NDRG3: variants seen among roughly 807,000 people sequenced by gnomAD.
The protein encoded by NDRG3 is protein NDRG3.
NDRG3 carries 23 observed loss-of-function variants against 57.2 expected under a neutral mutation model. That is an observed-to-expected ratio of 0.40 (90% confidence interval 0.29 to 0.57). The LOEUF (loss-of-function observed/expected upper bound fraction) is 0.57. Ranked by LOEUF, NDRG3 falls within the 20% of genes least tolerant of loss-of-function variation. NDRG3 has a pLI of 0.42. For synonymous variants in NDRG3, 132 were observed against 162.6 expected, an observed-to-expected ratio of 0.81 and a Z score of 1.43; for missense variants, 384 against 457.3, an observed-to-expected ratio of 0.84 and a Z score of 1.46.
At chr20:36,666,944 C>T (rs1026739868) in intron 9 of NDRG3, among the ~76,000 whole-genome samples, 2 of 152,154 alleles carry the variant, frequency 1.3e-5, no homozygotes, top group Non-Finnish European at 2.9e-5. Context: ...AGCAATTCTC[C>T]TGCCTCAGCC....
At chr20:36,674,939 G>A (rs1368010792) in intron 8 of NDRG3, among the ~76,000 whole-genome samples, 1 of 118,474 alleles carries the variant, frequency 8.4e-6, no homozygotes, top group Non-Finnish European at 1.6e-5. Flanking sequence ...CTGTCACCTA[G>A]TCTGGAGTCC....
At chr20:36,713,012 AGTTT>A (rs1464160527) in intron 2 of NDRG3, among the ~76,000 whole-genome samples, 2 of 152,096 alleles carry the variant, frequency 1.3e-5, no homozygotes, top group African/African-American at 4.8e-5. Context: ...CTCCTGCCTC[AGTTT>A]GTTTGTCTCT....
chr20:36,741,233 A>T (rs1458368184), intron 1 of NDRG3, among the ~76,000 whole-genome samples: 6 of 152,084 alleles, frequency 3.9e-5, no homozygotes, highest in African/African-American at 1.4e-4. Flanking sequence ...ATTATCAGCC[A>T]AGCACAGAGC....
At chr20:36,671,468 T>C (rs559999858) in intron 8 of NDRG3, 71 bp from the exon 9 acceptor site, 33 of 1,137,840 alleles carry the variant, frequency 2.9e-5, no homozygotes, top group Non-Finnish European at 4.1e-5. Flanking sequence ...CCAATTAAAA[T>C]GAGTGCACTT....
rs117328993 is a variant in NDRG3 at position 36,693,266 on chromosome 20, C to T, written c.94-4482G>A. On this transcript the variant is annotated intron_variant, in intron 3 of 15. Transcript: ENST00000349004. ...TATATATATATTCTAAATAAACTAT[C>T]AAACATGGTCATATACACAAAAGGA... 5.5e-3 allele frequency among the ~76,000 whole-genome samples: 807 copies of T among 146,304 alleles called. 5 individuals are homozygous for T. Among genetic ancestry groups the T allele is most frequent in the Non-Finnish European group, 1.0e-2 (667 of 66,824 alleles).
intron 1 of NDRG3, among the ~76,000 whole-genome samples, chr20:36,730,447 T>C (rs1471488956): frequency 6.6e-6 from 1 of 151,594 alleles, no homozygotes; most frequent in African/African-American, 2.4e-5. Context: ...TAGAAACAGG[T>C]CTTACTATGT....
At position 36,689,279 on chromosome 20, in the gene NDRG3, A is replaced by T. The variant is rs542141315; in HGVS notation, c.94-495T>A. Among the ~76,000 whole-genome samples, 3 of 152,318 alleles carry T rather than the reference A, an allele frequency of 2.0e-5. No individual in the cohort carries two copies. The East Asian group carries it at 5.8e-4, about 29-fold the overall frequency. On this transcript the variant is annotated intron_variant, in intron 3 of 15. Coordinates refer to ENST00000349004, the MANE Select transcript of NDRG3 (RefSeq NM_032013.4). ...CCTACTTTCCAATTCTTCCAGAAAA[A>T]TAAATAGGGAGCAAAACACACCTTG...
intron 12 of NDRG3, among the ~76,000 whole-genome samples, chr20:36,661,991 A>T (rs896714473): frequency 4.6e-5 from 7 of 152,204 alleles, no homozygotes; most frequent in Non-Finnish European, 1.5e-5. Flanking sequence ...GTACCCGTTC[A>T]CTACAGAATG....
rs1270032473 is a variant in NDRG3 at position 36,669,232 on chromosome 20, T to A, written c.588+2109A>T. On this transcript the variant is annotated intron_variant, in intron 9 of 15. Transcript: ENST00000349004. ...CCACCACACCCGGCTAATTTTGTAT[T>A]TTTTTTTTTTTTCTGGGATGGAGTC... Among the ~76,000 whole-genome samples, 8 of 144,020 alleles carry A rather than the reference T, an allele frequency of 5.6e-5. No individual in the cohort carries two copies. In the East Asian group the frequency reaches 1.6e-3, roughly 29 times the overall value. The allele number at this position is 144,020 out of a possible 152,430, so 94.5% of individuals were successfully genotyped here. A position where few individuals can be genotyped will look rare whatever the true frequency, so the allele number is the denominator to read the frequency against.
chr20:36,660,285 A>T, intron 13 of NDRG3, 52 bp downstream of exon 13: 1 of 1,339,850 alleles, frequency 7.5e-7, no homozygotes, highest in Non-Finnish European at 1.0e-6. Flanking sequence ...AGAAAATATG[A>T]TTAATCTGAA....
At chr20:36,714,892 C>G (rs998720132) in intron 2 of NDRG3, among the ~76,000 whole-genome samples, 10 of 150,824 alleles carry the variant, frequency 6.6e-5, no homozygotes, top group African/African-American at 2.4e-4. Context: ...GGATTACAGG[C>G]ATGAGCCACC....
intron 15 of NDRG3, 63 bp downstream of exon 15, chr20:36,656,297 G>T: frequency 6.6e-7 from 1 of 1,525,622 alleles, no homozygotes; most frequent in Non-Finnish European, 9.0e-7. Context: ...TGGGCTCCCA[G>T]ATGTGAAACT....
At chr20:36,697,069 C>G (rs141028448) in intron 3 of NDRG3, among the ~76,000 whole-genome samples, 4 of 152,186 alleles carry the variant, frequency 2.6e-5, no homozygotes, top group African/African-American at 9.6e-5. Flanking sequence ...TTGTCCATAT[C>G]AAAAGAACTT....
rs181835132 is a variant in NDRG3 at position 36,674,028 on chromosome 20, T to C, written c.532-2631A>G. ...CTGAGGCAGGAGAATCACTTGAACC[T>C]GGGAGATAGAGGTTGCAGTGAGCCG... is the stretch of plus-strand genomic sequence containing the variant. On this transcript the variant is annotated intron_variant, in intron 8 of 15. Coordinates refer to ENST00000349004, the MANE Select transcript of NDRG3 (RefSeq NM_032013.4). 2.1e-3 allele frequency among the ~76,000 whole-genome samples: 315 copies of C among 151,882 alleles called. 2 individuals are homozygous for C. Among genetic ancestry groups the C allele is most frequent in the Non-Finnish European group, 3.0e-3 (201 of 67,932 alleles).
intron 2 of NDRG3, among the ~76,000 whole-genome samples, chr20:36,710,591 G>A (rs1249792578): frequency 6.6e-6 from 1 of 152,160 alleles, no homozygotes; most frequent in Non-Finnish European, 1.5e-5. Flanking sequence ...GATAGATCAT[G>A]AGGTCAGGAG....
intron 3 of NDRG3, among the ~76,000 whole-genome samples, chr20:36,696,689 C>T (rs1236141942): frequency 6.6e-6 from 1 of 151,450 alleles, no homozygotes; most frequent in Non-Finnish European, 1.5e-5. Flanking sequence ...GATGGGGTTT[C>T]ACCATGTTGG....
At chr20:36,714,542 A>G (rs1984113594) in intron 2 of NDRG3, among the ~76,000 whole-genome samples, 1 of 148,906 alleles carries the variant, frequency 6.7e-6, no homozygotes, top group African/African-American at 2.5e-5. Flanking sequence ...CCTGGGTTCA[A>G]GCCATTCTCC....
intron 1 of NDRG3, among the ~76,000 whole-genome samples, chr20:36,743,894 T>A (rs1315352263): frequency 7.0e-6 from 1 of 143,734 alleles, no homozygotes; most frequent in Non-Finnish European, 1.5e-5. Flanking sequence ...TCAAGTAACA[T>A]AAACAAGCTT....
chr20:36,693,278 T>A (rs765265616), intron 3 of NDRG3, among the ~76,000 whole-genome samples: 1 of 148,476 alleles, frequency 6.7e-6, no homozygotes, highest in African/African-American at 2.5e-5. Flanking sequence ...AACATGGTCA[T>A]ATACACAAAA....
Sources: gnomAD v4.1 joint callset for allele counts (sites outside exome capture counted in the v4.1 genomes callset) on GRCh38, gnomAD v4.1.1 for gene constraint, MANE v1.5 for transcripts, NCBI Gene and HGNC (gene_info 2026-07-23, HGNC 2026-07-21) for gene names.